The following WWP2 variants were observed in gnomAD, a reference collection of about 807,000 sequenced individuals.
WWP2 encodes WW domain containing E3 ubiquitin protein ligase 2.
In WWP2, 57 loss-of-function variants were observed where a neutral mutation model predicts 121.0. The ratio of observed to expected loss-of-function variants is 0.47; its 90% CI spans 0.38 to 0.59. WWP2 has a LOEUF of 0.59. Ranked by LOEUF, WWP2 falls within the 20% of genes least tolerant of loss-of-function variation. The pLI, the probability that WWP2 is intolerant of heterozygous loss-of-function variation, is 0.00. For synonymous variants in WWP2, 449 were observed against 441.3 expected (o/e 1.02, Z -0.22); for missense variants, 962 against 1,158.9 (o/e 0.83, Z 2.47).
intron 1 of WWP2, 109 bp from the exon 2 acceptor site, chr16:69,786,887 G>A (rs962124475): frequency 7.5e-6 from 7 of 933,778 alleles, no homozygotes; most frequent in African/African-American, 3.3e-5. Flanking sequence ...TTGCTTGGAC[G>A]TTTCTATTTT....
chr16:69,862,304 A>G (rs1470712272), intron 6 of WWP2, among the ~76,000 whole-genome samples: 1 of 152,154 alleles, frequency 6.6e-6, no homozygotes, highest in East Asian at 1.9e-4. Context: ...ACCTCAGGTG[A>G]TCCACTCACC....
intron 6 of WWP2, among the ~76,000 whole-genome samples, chr16:69,865,713 A>G (rs1431337571): frequency 6.6e-6 from 1 of 152,256 alleles, no homozygotes; most frequent in Non-Finnish European, 1.5e-5. Context: ...CACGTTTGTT[A>G]CATGTGTCCC....
rs116332046 is a variant in WWP2 at position 69,848,201 on chromosome 16, A to C, written c.575+6081A>C. Among the ~76,000 whole-genome samples, 783 of 152,328 alleles carry C rather than the reference A, an allele frequency of 5.1e-3. 3 individuals are homozygous for C. The highest frequency in any genetic ancestry group is 0.018 in the African/African-American group (761 of 41,574). On this transcript the variant is annotated intron_variant, in intron 6 of 23. Transcript: ENST00000359154. ...CAGCGTGCAGGCTGGGTGTAATCCC[A>C]GCGCTTTGGGAGGCTGAGGTGAGTG...
At chr16:69,807,385 G>A (rs1275347914) in intron 4 of WWP2, among the ~76,000 whole-genome samples, 1 of 151,868 alleles carries the variant, frequency 6.6e-6, no homozygotes, top group Non-Finnish European at 1.5e-5. Context: ...CTTTGTACTT[G>A]TCTTTGAATT....
intron 4 of WWP2, among the ~76,000 whole-genome samples, chr16:69,812,161 C>CTTTTTTT (rs1021541952): frequency 5.5e-5 from 6 of 108,470 alleles, no homozygotes; most frequent in Admixed American, 9.9e-5. Flanking sequence ...GAGTACAGAC[C>CTTTTTTT]TTTTTTTTTT....
At chr16:69,830,103 T>G (rs1446383785) in intron 4 of WWP2, among the ~76,000 whole-genome samples, 1 of 152,114 alleles carries the variant, frequency 6.6e-6, no homozygotes, top group African/African-American at 2.4e-5. Context: ...TACAGGCACA[T>G]GCCACCATGC....
intron 8 of WWP2, among the ~76,000 whole-genome samples, chr16:69,896,366 C>T (rs181706583): frequency 5.3e-5 from 8 of 152,270 alleles, no homozygotes; most frequent in African/African-American, 1.4e-4. Flanking sequence ...AGCGATCCTC[C>T]TATCTTGGCC....
intron 15 of WWP2, 61 bp from the exon 16 acceptor site, chr16:69,931,741 C>G (rs1290632689): frequency 5.6e-5 from 89 of 1,589,848 alleles, no homozygotes; most frequent in Non-Finnish European, 7.5e-5. Flanking sequence ...CCCTGTCCCT[C>G]CCGCCCCTGC....
chr16:69,832,550 A>C (rs2056812617), intron 4 of WWP2, among the ~76,000 whole-genome samples: 1 of 152,028 alleles, frequency 6.6e-6, no homozygotes, highest in African/African-American at 2.4e-5. Flanking sequence ...AAAAATTTTT[A>C]ATGTTTTTTG....
intron 7 of WWP2, among the ~76,000 whole-genome samples, chr16:69,884,878 A>C (rs1225520149): frequency 2.0e-5 from 3 of 152,200 alleles, no homozygotes. Context: ...GAAGTATTGT[A>C]GCTAATAAAT....
At chr16:69,795,945 G>A in intron 2 of WWP2, among the ~76,000 whole-genome samples, 1 of 151,556 alleles carries the variant, frequency 6.6e-6, no homozygotes, top group East Asian at 1.9e-4. Flanking sequence ...ACCATGCCCT[G>A]CTTCAAAATA....
At chr16:69,815,885 G>A (rs572085071) in intron 4 of WWP2, among the ~76,000 whole-genome samples, 16 of 151,694 alleles carry the variant, frequency 1.1e-4, no homozygotes, top group African/African-American at 3.9e-4. Flanking sequence ...TTCTTTCTGA[G>A]TAGCTAAGAC....
At position 69,940,835 on chromosome 16, in the gene WWP2, T is replaced by G. The variant is rs767359680; in HGVS notation, c.*895T>G. 1 of 153,438 alleles carries G rather than the reference T, an allele frequency of 6.5e-6. No homozygotes were observed. The highest frequency in any genetic ancestry group is 1.5e-5 in the Non-Finnish European group (1 of 68,048). The allele number at this position is 153,438 out of a possible 1,614,324, so 9.5% of individuals were successfully genotyped here. On this transcript the variant is annotated 3_prime_UTR_variant, in exon 24 of 24. Coordinates refer to ENST00000359154, the MANE Select transcript of WWP2 (RefSeq NM_001270454.2). ...CCGGCGGCACAGCCTGGCAGGGACCTCGTCCCCAAGCCTGGCAGAATGAGA... is the reference window on the plus strand; with the variant it reads ...CCGGCGGCACAGCCTGGCAGGGACCGCGTCCCCAAGCCTGGCAGAATGAGA...
chr16:69,886,362 A>G (rs1479698574), intron 7 of WWP2, among the ~76,000 whole-genome samples: 1 of 152,110 alleles, frequency 6.6e-6, no homozygotes, highest in Non-Finnish European at 1.5e-5. Flanking sequence ...GAGGCAAAGT[A>G]TCTAGGTATC....
intron 7 of WWP2, among the ~76,000 whole-genome samples, chr16:69,877,007 G>T (rs1567400618): frequency 6.6e-6 from 1 of 152,182 alleles, no homozygotes. Context: ...AGAATGTTAA[G>T]TGAACATTGG....
At chr16:69,796,134 G>A (rs1232990051) in intron 2 of WWP2, among the ~76,000 whole-genome samples, 2 of 151,772 alleles carry the variant, frequency 1.3e-5, no homozygotes, top group Non-Finnish European at 2.9e-5. Context: ...TGATAATTGT[G>A]CTATTGGTTA....
At chr16:69,826,538 C>T (rs1330444768) in intron 4 of WWP2, among the ~76,000 whole-genome samples, 2 of 144,618 alleles carry the variant, frequency 1.4e-5, no homozygotes, top group Non-Finnish European at 3.0e-5. Context: ...TGCCATTGCA[C>T]TCCAGGCTGG....
intron 4 of WWP2, among the ~76,000 whole-genome samples, chr16:69,814,158 C>T (rs538012025): frequency 3.8e-4 from 57 of 151,928 alleles, no homozygotes; most frequent in Non-Finnish European, 7.2e-4. Flanking sequence ...AATGTGGGGT[C>T]GTTTGTTTGT....
At position 69,935,365 on chromosome 16, in the gene WWP2, G is replaced by A. The variant is rs963701620; in HGVS notation, c.1843-488G>A. Among the ~76,000 whole-genome samples, 4 of 152,230 alleles carry A rather than the reference G, an allele frequency of 2.6e-5. No individual in the cohort carries two copies. The highest frequency in any genetic ancestry group is 9.6e-5 in the African/African-American group (4 of 41,468). ...GACCCGCCTGGCCCAGCAGCCAGCA[G>A]GACAGACCGGTAAAACCCTAGACTA... On this transcript the variant is annotated intron_variant, in intron 17 of 23. Coordinates refer to ENST00000359154, the MANE Select transcript of WWP2 (RefSeq NM_001270454.2). The surrounding 1 kb of genome is among the most constrained non-coding windows in gnomAD (Gnocchi z 5.2).
Sources: allele counts gnomAD v4.1 joint callset (sites outside exome capture counted in the v4.1 genomes callset), GRCh38; gene constraint gnomAD v4.1.1; non-coding constraint Gnocchi (gnomAD v3.1); transcripts MANE v1.5; gene names NCBI Gene and HGNC (gene_info 2026-07-23, HGNC 2026-07-21).